Variants in DYNC1I1 observed in about 807,000 individuals in gnomAD.
DYNC1I1 encodes cytoplasmic dynein 1 intermediate chain 1.
A neutral mutation model predicts 86.6 loss-of-function variants in DYNC1I1; 43 were observed. That is an observed-to-expected ratio of 0.50 (90% CI 0.39 to 0.64). DYNC1I1 has a LOEUF of 0.64. Among genes scored for constraint, DYNC1I1 ranks in the 30% least tolerant of loss-of-function variants. The pLI is 0.00. For missense variants in DYNC1I1, 604 were observed against 788.8 expected (o/e 0.77, Z 2.81); for synonymous variants, 262 against 283.7 (o/e 0.92, Z 0.77).
intron 6 of DYNC1I1, among the ~76,000 whole-genome samples, chr7:95,964,002 C>G (rs74873195): frequency 6.6e-6 from 1 of 152,088 alleles, no homozygotes; most frequent in Non-Finnish European, 1.5e-5. Flanking sequence ...CACTGACAGA[C>G]AAGAGACTTC....
chr7:95,918,787 T>C (rs1291654490), intron 6 of DYNC1I1, among the ~76,000 whole-genome samples: 2 of 152,234 alleles, frequency 1.3e-5, no homozygotes, highest in Non-Finnish European at 2.9e-5. Flanking sequence ...TCTTCATTGT[T>C]AGAACACAGT....
rs575438861 is a variant in DYNC1I1, at chr7:95,841,436, T to C, written c.374+13320T>C. On this transcript the variant is annotated intron_variant, in intron 5 of 16. Coordinates refer to ENST00000447467, the MANE Select transcript of DYNC1I1 (RefSeq NM_001135556.2). ...AGAATCTGAGAGCTGTGCATTTTGG[T>C]AAAATAAGCTGGCAGGAGGAGTCAT... Among the ~76,000 whole-genome samples, 87 of 152,090 alleles carry C rather than the reference T, an allele frequency of 5.7e-4. No homozygotes were observed. In the South Asian group the frequency reaches 0.01, roughly 18 times the overall value.
At chr7:95,870,303 C>T (rs967814934) in intron 6 of DYNC1I1, among the ~76,000 whole-genome samples, 2 of 152,178 alleles carry the variant, frequency 1.3e-5, no homozygotes, top group African/African-American at 4.8e-5. Flanking sequence ...TGAATTTTAT[C>T]AATAAGAATA....
chr7:96,023,102 C>T (rs1188355830), intron 10 of DYNC1I1, among the ~76,000 whole-genome samples: 1 of 152,060 alleles, frequency 6.6e-6, no homozygotes, highest in African/African-American at 2.4e-5. Flanking sequence ...TAGGTACTCG[C>T]AGAAATAGCT....
At chr7:96,095,182 T>C (rs1366409407) in intron 16 of DYNC1I1, among the ~76,000 whole-genome samples, 2 of 152,194 alleles carry the variant, frequency 1.3e-5, no homozygotes, top group Non-Finnish European at 2.9e-5. Context: ...TTTATGAAGT[T>C]ATGTAATTTT....
intron 6 of DYNC1I1, among the ~76,000 whole-genome samples, chr7:95,925,995 G>T (rs1791734747): frequency 6.6e-6 from 1 of 152,124 alleles, no homozygotes. Context: ...GAGCCCTGTT[G>T]CATATATTTA....
chr7:96,025,252 G>A (rs1454470604), intron 10 of DYNC1I1, among the ~76,000 whole-genome samples: 1 of 152,040 alleles, frequency 6.6e-6, no homozygotes, highest in Non-Finnish European at 1.5e-5. Flanking sequence ...ATAGTGTGGT[G>A]TACCCTGGAG....
At chr7:95,797,500 C>A (rs1169838891) in intron 1 of DYNC1I1, among the ~76,000 whole-genome samples, 1 of 152,158 alleles carries the variant, frequency 6.6e-6, no homozygotes, top group African/African-American at 2.4e-5. Flanking sequence ...TATAATGTGT[C>A]AATATTTGGA....
intron 1 of DYNC1I1, among the ~76,000 whole-genome samples, chr7:95,779,517 T>C (rs1793931329): frequency 6.6e-6 from 1 of 152,270 alleles, no homozygotes; most frequent in Non-Finnish European, 1.5e-5. Context: ...CTCTCTAGTT[T>C]ATCTGGGATG....
At chr7:95,893,260 TAA>T (rs1790791581) in intron 6 of DYNC1I1, among the ~76,000 whole-genome samples, 1 of 152,190 alleles carries the variant, frequency 6.6e-6, no homozygotes, top group African/African-American at 2.4e-5. Flanking sequence ...TTGAGAAATA[TAA>T]ATAAGGGAGT....
chr7:96,075,631 A>G (rs1482107436), intron 14 of DYNC1I1, among the ~76,000 whole-genome samples: 2 of 152,298 alleles, frequency 1.3e-5, no homozygotes, highest in Admixed American at 6.5e-5. Flanking sequence ...GTTGCCTTCA[A>G]TGAAAGGGTT....
chr7:95,820,948 C>T (rs1031246281), intron 4 of DYNC1I1, among the ~76,000 whole-genome samples: 2 of 152,198 alleles, frequency 1.3e-5, no homozygotes, highest in Non-Finnish European at 2.9e-5. Flanking sequence ...GAAAACTCTC[C>T]TGCGGCCATG....
chr7:95,823,993 G>GT lies in DYNC1I1; in HGVS notation c.315-4047dup, dbSNP rs10550145. ...ATATATATATATGTTTTGGTTTTTT[G>GT]TTTTTTTTTTTTTTTTTGAGGCAGG... On this transcript the variant is annotated intron_variant, in intron 4 of 16. Coordinates refer to ENST00000447467, the MANE Select transcript of DYNC1I1 (RefSeq NM_001135556.2). Among the ~76,000 whole-genome samples the GT allele has an allele frequency of 2.3e-3, 180 of 78,408 alleles. 1 individual carries two copies. The highest frequency in any genetic ancestry group is 2.6e-3 in the Non-Finnish European group (112 of 42,414). 51.4% of individuals were successfully genotyped at this position (78,408 alleles called of 152,430 possible). A position where few individuals can be genotyped will look rare whatever the true frequency, so the allele number is the denominator to read the frequency against.
intron 15 of DYNC1I1, among the ~76,000 whole-genome samples, chr7:96,079,586 A>G (rs1790449379): frequency 6.6e-6 from 1 of 152,172 alleles, no homozygotes. Flanking sequence ...CACTTTAATT[A>G]TTATTATTGT....
intron 10 of DYNC1I1, among the ~76,000 whole-genome samples, chr7:95,997,623 G>GTGTGTGTA (rs1491297051): frequency 4.1e-5 from 6 of 146,212 alleles, no homozygotes; most frequent in African/African-American, 1.0e-4. Context: ...GTGTGTGTGT[G>GTGTGTGTA]TATCTTTGGG....
chr7:95,906,576 A>G (rs1225221336), intron 6 of DYNC1I1, among the ~76,000 whole-genome samples: 4 of 151,004 alleles, frequency 2.6e-5, no homozygotes. Context: ...ACTTCCATTT[A>G]TTCCTAGAAT....
chr7:95,858,031 A>G lies in DYNC1I1; in HGVS notation c.375-11852A>G, dbSNP rs73710514. Among the ~76,000 whole-genome samples, 1,191 of 152,282 alleles carry G rather than the reference A, an allele frequency of 7.8e-3. 11 individuals carry two copies. The highest frequency in any genetic ancestry group is 0.027 in the African/African-American group (1,105 of 41,572). On this transcript the variant is annotated intron_variant, in intron 5 of 16. Transcript: ENST00000447467. The stretch of plus-strand genomic sequence containing the variant: ...ATCCAGGTCATTAGAAGATTTTTTC[A>G]TATCTGATATAGGCCCTTCTTGAGT...
chr7:95,974,796 A>G (rs1177521249), intron 6 of DYNC1I1, among the ~76,000 whole-genome samples: 2 of 152,162 alleles, frequency 1.3e-5, no homozygotes, highest in African/African-American at 2.4e-5. Flanking sequence ...CTCAGCTACA[A>G]CTTGTATTTG....
chr7:96,063,987 T>C (rs1165059748), intron 14 of DYNC1I1, among the ~76,000 whole-genome samples: 2 of 152,152 alleles, frequency 1.3e-5, no homozygotes, highest in African/African-American at 2.4e-5. Flanking sequence ...GCGGGAACAG[T>C]TGATGCAATG....
Sources: gnomAD v4.1 joint callset for allele counts (sites outside exome capture counted in the v4.1 genomes callset) on GRCh38, gnomAD v4.1.1 for gene constraint, MANE v1.5 for transcripts, NCBI Gene and HGNC (gene_info 2026-07-23, HGNC 2026-07-21) for gene names.